The following HSPG2 variants were observed in gnomAD, a reference collection of about 807,000 sequenced individuals.
HSPG2 encodes the protein heparan sulfate proteoglycan 2, also known as basement membrane-specific heparan sulfate proteoglycan core protein.
In HSPG2, 278 loss-of-function variants were observed where a neutral mutation model predicts 526.6. The observed-to-expected ratio is 0.53, with a 90% CI of 0.48 to 0.58. The LOEUF is 0.58. Ranked by LOEUF, HSPG2 falls within the 20% of genes least tolerant of loss-of-function variation. The pLI is 0.00. For synonymous variants in HSPG2, 2,465 were observed against 2,555.4 expected (o/e 0.96, Z 1.07); for missense variants, 5,354 against 6,099.5 (o/e 0.88, Z 4.07).
chr1:21,839,769 G>C lies in HSPG2; in HGVS notation c.9709+53C>G. 1 of 1,585,956 alleles carries C rather than the reference G, an allele frequency of 6.3e-7. No individual in the cohort carries two copies. Among genetic ancestry groups the C allele is most frequent in the East Asian group, 2.2e-5 (1 of 44,738 alleles). On this transcript the variant is annotated intron_variant, in intron 72 of 96. Coordinates refer to ENST00000374695, the MANE Select transcript of HSPG2 (RefSeq NM_005529.7). This position sits in a 1 kb window ranked among gnomAD's most constrained non-coding sequence, Gnocchi z 4.5. The stretch of plus-strand genomic sequence containing the variant: ...CTAGATCACATGTGTCTACATTTCA[G>C]ACCCCAGGGCATCCCTGCCCTGCCA...
In HSPG2 at chr1:21,878,596, T is replaced by C; in HGVS notation, c.2539A>G (p.Thr847Ala). The C allele has an allele frequency of 1.2e-6, 2 of 1,614,108 alleles. No homozygotes were observed. The highest frequency in any genetic ancestry group is 1.7e-6 in the Non-Finnish European group (2 of 1,180,020). The stretch of plus-strand genomic sequence containing the variant: ...CCTCACCTCTCACAGCGGCGGCCAG[T>C]GTAGCCTGGGGCACAGGCGTCACAT... ...ATCDACAPGY[T>A]GRRCESCAPG... The change falls in exon 19 of 97, where the codon ACT becomes GCT. Residue 847 changes from threonine to alanine, a missense_variant. Thr to Ala is a moderately conservative substitution (Grantham distance 58, BLOSUM62 0). Transcript: ENST00000374695.
At chr1:21,880,993 C>A (rs561360470) in intron 14 of HSPG2, among the ~76,000 whole-genome samples, 158 bp from the exon 15 acceptor site, 1 of 152,130 alleles carries the variant, frequency 6.6e-6, no homozygotes, top group Admixed American at 6.5e-5. Context: ...CCGAGATGGG[C>A]GAGACTCAGG....
intron 64 of HSPG2, among the ~76,000 whole-genome samples, chr1:21,844,822 AC>A (rs1638295616): frequency 6.6e-6 from 1 of 152,246 alleles, no homozygotes; most frequent in Non-Finnish European, 1.5e-5. Context: ...ATAGGGTCCA[AC>A]ACCTAAGAAG....
rs569690192 is a variant in HSPG2 at position 21,829,220 on chromosome 1, G to C, written c.11993-141C>G. 1.4e-5 allele frequency: 19 copies of C among 1,399,128 alleles called. No homozygotes were observed. The South Asian group carries it at 2.4e-4, about 18-fold the overall frequency. 86.7% of individuals were successfully genotyped at this position (1,399,128 alleles called of 1,614,324 possible). A position where few individuals can be genotyped will look rare whatever the true frequency, so the allele number is the denominator to read the frequency against. The stretch of plus-strand genomic sequence containing the variant: ...AGATGAGGAGCCCATGGCTCAGAGA[G>C]GGCTAGGGATTGGCCTCAAGTGACA... On this transcript the variant is annotated intron_variant, in intron 87 of 96. Transcript: ENST00000374695.
chr1:21,855,765 G>A, intron 45 of HSPG2, 22 bp downstream of exon 45: 1 of 1,612,166 alleles, frequency 6.2e-7, no homozygotes, highest in Non-Finnish European at 8.5e-7. Context: ...GGCCTTGAAT[G>A]TCATTCCCAT....
chr1:21,831,188 C>A, intron 84 of HSPG2, 27 bp downstream of exon 84: 2 of 1,608,000 alleles, frequency 1.2e-6, no homozygotes, highest in East Asian at 4.5e-5. Flanking sequence ...CCACGGCAGC[C>A]AGGTGGTGTG....
intron 23 of HSPG2, 69 bp downstream of exon 23, chr1:21,876,160 G>T (rs564795655): frequency 3.5e-5 from 55 of 1,561,456 alleles, no homozygotes; most frequent in Non-Finnish European, 4.7e-5. Flanking sequence ...CGACCCTCCC[G>T]CCTCCAAGCC....
At chr1:21,840,816 A>G (rs1388342277) in intron 71 of HSPG2, among the ~76,000 whole-genome samples, 1 of 152,096 alleles carries the variant, frequency 6.6e-6, no homozygotes, top group Non-Finnish European at 1.5e-5. Context: ...TAGCTGTCCC[A>G]TCTGGTTGCT....
At chr1:21,883,902 T>C (rs1029470996) in intron 13 of HSPG2, among the ~76,000 whole-genome samples, 1 of 152,190 alleles carries the variant, frequency 6.6e-6, no homozygotes, top group South Asian at 2.1e-4. Flanking sequence ...CCTGCCTCTA[T>C]CTTTGGGAAA....
At position 21,834,951 on chromosome 1, in the gene HSPG2, G is replaced by A. The variant is rs1243461627; in HGVS notation, c.10454-6C>T. On this transcript the variant is annotated splice_region_variant and splice_polypyrimidine_tract_variant and intron_variant, in intron 76 of 96. Coordinates refer to ENST00000374695, the MANE Select transcript of HSPG2 (RefSeq NM_005529.7). ...GATGAGCACCGAGGGCAGGGCTGGG[G>A]AGGAGGGAGGCAGAGGTCCAGTGAG... 1.2e-6 allele frequency: 2 copies of A among 1,610,646 alleles called. No individual in the cohort carries two copies. The highest frequency in any genetic ancestry group is 2.2e-5 in the East Asian group (1 of 44,886).
In HSPG2 at chr1:21,847,170, G is replaced by A. The variant is rs1638504164; in HGVS notation, c.8164+184C>T. 6.6e-6 allele frequency among the ~76,000 whole-genome samples: 1 copy of A among 152,244 alleles called. No individual in the cohort carries two copies. The highest frequency in any genetic ancestry group is 6.5e-5 in the Admixed American group (1 of 15,286). ...GCACAGGCCAAGTCAGTGGCTGCAA[G>A]CCACACGTGGCTATTGAGAATTTGA... On this transcript the variant is annotated intron_variant, in intron 62 of 96. Transcript: ENST00000374695. The surrounding 1 kb of genome is among the most constrained non-coding windows in gnomAD (Gnocchi z 4.1).
chr1:21,925,378 C>T (rs1015443903), intron 1 of HSPG2, among the ~76,000 whole-genome samples: 1 of 152,202 alleles, frequency 6.6e-6, no homozygotes, highest in Non-Finnish European at 1.5e-5. Flanking sequence ...GAGCCATGTG[C>T]TTCTCTGCCT....
intron 1 of HSPG2, among the ~76,000 whole-genome samples, chr1:21,914,538 G>A (rs1249227493): frequency 6.6e-6 from 1 of 152,152 alleles, no homozygotes; most frequent in Non-Finnish European, 1.5e-5. Context: ...CAGGTGTCCA[G>A]GGACGACTGG....
rs574417422 is a variant in HSPG2 at position 21,864,352 on chromosome 1, T to C, written c.4627-139A>G. 266 of 733,174 alleles carry C rather than the reference T, an allele frequency of 3.6e-4. No homozygotes were observed. The highest frequency in any genetic ancestry group is 5.9e-4 in the Non-Finnish European group (240 of 406,982). 45.4% of individuals were successfully genotyped at this position (733,174 alleles called of 1,614,324 possible). On this transcript the variant is annotated intron_variant, in intron 36 of 96. Coordinates refer to ENST00000374695, the MANE Select transcript of HSPG2 (RefSeq NM_005529.7). This position sits in a 1 kb window ranked among gnomAD's most constrained non-coding sequence, Gnocchi z 4.8. The stretch of plus-strand genomic sequence containing the variant: ...GCCGGCGCCCCTCCTTCCCCACTTC[T>C]GCTCAGTCTGTCCTCCCACCCACGG...
Position 21,839,640 on chromosome 1 carries a change from T to C in HSPG2, c.9710-90A>G. ...CATGGTGAGGAAGGGCCCTGGGTGA[T>C]CCTGTCCCTCTATGGGGACCCCAGT... On this transcript the variant is annotated intron_variant, in intron 72 of 96. Transcript: ENST00000374695. The surrounding 1 kb of genome is among the most constrained non-coding windows in gnomAD (Gnocchi z 4.5). The C allele has an allele frequency of 6.7e-7, 1 of 1,493,916 alleles. No individual in the cohort carries two copies. 92.5% of individuals were successfully genotyped at this position (1,493,916 alleles called of 1,614,324 possible). A position where few individuals can be genotyped will look rare whatever the true frequency, so the allele number is the denominator to read the frequency against.
In HSPG2 at chr1:21,839,540, C is replaced by T. The variant is rs141937074; in HGVS notation, c.9720G>A (p.Ala3240=). ...GCAGCTTGGACCAGTGGATGGTGGG[C>T]GCGGGGCTGCCTGTGGAGTCGAGTG... ...TLRCSATGSP[A]PTIHWSKLRS... Residue 3240 remains alanine, a synonymous_variant, in exon 73 of 97, where the codon GCG becomes GCA. Transcript: ENST00000374695. The surrounding 1 kb of genome is among the most constrained non-coding windows in gnomAD (Gnocchi z 4.5). The T allele has an allele frequency of 1.2e-5, 19 of 1,613,706 alleles. No individual in the cohort carries two copies. The highest frequency in any genetic ancestry group is 6.6e-5 in the South Asian group (6 of 91,062).
At chr1:21,875,111 G>A in intron 25 of HSPG2, 109 bp from the exon 26 acceptor site, 1 of 820,006 alleles carries the variant, frequency 1.2e-6, no homozygotes, top group Non-Finnish European at 2.0e-6. Flanking sequence ...CCCTGTCACA[G>A]TGCTGCTGGG....
In HSPG2 at chr1:21,873,802, T is replaced by C. The variant is rs918562389; in HGVS notation, c.3743+123A>G. The C allele has an allele frequency of 3.4e-5, 27 of 790,040 alleles. No homozygotes were observed. The African/African-American group carries it at 3.8e-4, about 11-fold the overall frequency. 48.9% of individuals were successfully genotyped at this position (790,040 alleles called of 1,614,324 possible). A position where few individuals can be genotyped will look rare whatever the true frequency, so the allele number is the denominator to read the frequency against. ...GGGGAGCTGACTGTCTTCTGGGGCC[T>C]GTGCGAGGTTAAGAGCGAGAGGCAT... On this transcript the variant is annotated intron_variant, in intron 29 of 96. Coordinates refer to ENST00000374695, the MANE Select transcript of HSPG2 (RefSeq NM_005529.7).
chr1:21,909,452 A>G (rs747305666), intron 1 of HSPG2, among the ~76,000 whole-genome samples: 4 of 152,220 alleles, frequency 2.6e-5, no homozygotes, highest in African/African-American at 4.8e-5. Flanking sequence ...AAACCTGACC[A>G]GTCCCTAGAT....
Sources: gnomAD v4.1 joint callset for allele counts (sites outside exome capture counted in the v4.1 genomes callset) on GRCh38, gnomAD v4.1.1 for gene constraint, Gnocchi (gnomAD v3.1) non-coding constraint, MANE v1.5 for transcripts, NCBI Gene and HGNC (gene_info 2026-07-23, HGNC 2026-07-21) for gene names.